Variants in DCHS2 observed in about 807,000 individuals in gnomAD.
DCHS2 encodes the protein dachsous cadherin-related 2.
In DCHS2, 142 loss-of-function variants were observed where a neutral mutation model predicts 182.4. The ratio of observed to expected loss-of-function variants is 0.78; its 90% CI spans 0.68 to 0.89. DCHS2 has a LOEUF of 0.89. DCHS2 is among the 40% of genes least tolerant of loss of function. The pLI, the probability that DCHS2 is intolerant of heterozygous loss-of-function variation, is 0.00. For missense variants in DCHS2, 4,319 were observed against 4,198.6 expected (o/e 1.03, Z -0.79); for synonymous variants, 1,740 against 1,663.3 (o/e 1.05, Z -1.12).
At chr4:154,420,061 G>T (rs1053880385) in intron 1 of DCHS2, among the ~76,000 whole-genome samples, 1 of 152,100 alleles carries the variant, frequency 6.6e-6, no homozygotes, top group African/African-American at 2.4e-5. Context: ...GAGATTGTTA[G>T]TTTAACACAG....
rs747558129 is a variant in DCHS2 at position 154,235,538 on chromosome 4, C to T, written c.9114G>A (p.Ala3038=). The change falls in exon 20 of 20, where the codon GCG becomes GCA. Residue 3038 remains alanine (A), a synonymous_variant. Coordinates refer to ENST00000357232, the MANE Select transcript of DCHS2 (RefSeq NM_001358235.2). ...YEEKKTSSLD[A]DLRVTRDASV... ...TGGCATCCCGGGTCACTCTCAAGTC[C>T]GCATCTAAAGATGAGGTTTTCTTCT... The T allele has an allele frequency of 3.6e-5, 58 of 1,613,922 alleles. No homozygotes were observed. The highest frequency in any genetic ancestry group is 1.8e-4 in the East Asian group (8 of 44,886).
intron 13 of DCHS2, among the ~76,000 whole-genome samples, chr4:154,270,411 A>C (rs1319286238): frequency 6.6e-6 from 1 of 151,992 alleles, no homozygotes; most frequent in Non-Finnish European, 1.5e-5. Flanking sequence ...GAAGCCATAG[A>C]AACAGCTGGA....
chr4:154,291,557 C>T (rs1476026394), intron 13 of DCHS2, among the ~76,000 whole-genome samples: 1 of 152,082 alleles, frequency 6.6e-6, no homozygotes, highest in African/African-American at 2.4e-5. Context: ...TGTCCATCAA[C>T]AGCTGAACGG....
intron 3 of DCHS2, among the ~76,000 whole-genome samples, chr4:154,349,693 C>G (rs1032761796): frequency 1.3e-5 from 2 of 152,194 alleles, no homozygotes; most frequent in African/African-American, 4.8e-5. Context: ...TAAGGGAAAT[C>G]ACAGCCTTTA....
Position 154,235,718 on chromosome 4 carries a change from C to T in DCHS2, c.8934G>A (p.Val2978=). The T allele has an allele frequency of 3.1e-6, 5 of 1,613,898 alleles. No homozygotes were observed. Among genetic ancestry groups the T allele is most frequent in the South Asian group, 2.2e-5 (2 of 91,074 alleles). Residue 2978 remains valine (V), a synonymous_variant, in exon 20 of 20, where the codon GTG becomes GTA. Coordinates refer to ENST00000357232, the MANE Select transcript of DCHS2 (RefSeq NM_001358235.2). The stretch of plus-strand genomic sequence containing the variant: ...AGGGTGTTCCTTCAGAGGAGAAAGA[C>T]ACATTCACAAAAACAGTGCAAGATG... ...KFASCTVFVN[V]SFSSEGTPLA... is the part of the protein sequence containing the mutation.
chr4:154,352,009 T>C (rs1037071350), intron 3 of DCHS2, among the ~76,000 whole-genome samples: 1 of 151,986 alleles, frequency 6.6e-6, no homozygotes, highest in African/African-American at 2.4e-5. Context: ...TGCATTCAAC[T>C]CACCTGAGTA....
chr4:154,435,108 A>G (rs897524636), intron 1 of DCHS2, among the ~76,000 whole-genome samples: 2 of 152,186 alleles, frequency 1.3e-5, no homozygotes, highest in African/African-American at 4.8e-5. Context: ...ATGGAAATAT[A>G]CGAGGTTAAC....
At chr4:154,372,187 C>T (rs1436877762) in intron 2 of DCHS2, among the ~76,000 whole-genome samples, 6 of 152,006 alleles carry the variant, frequency 3.9e-5, no homozygotes, top group Admixed American at 6.6e-5. Flanking sequence ...TTAGAAAACA[C>T]GGGACAATGG....
Position 154,490,345 on chromosome 4 carries a change from G to C in DCHS2, c.1011C>G (p.Ala337=). ...PNGFVRYSVR[A]RQVPGAGSGG... Reference sequence around the variant, plus strand: ...CGCTACCCGCCCCAGGCACTTGCCGGGCGCGGACGCTGTAGCGCACGAAGC... The same window carrying C: ...CGCTACCCGCCCCAGGCACTTGCCGCGCGCGGACGCTGTAGCGCACGAAGC... Residue 337 remains alanine, a synonymous_variant, in exon 1 of 20, where the codon GCC becomes GCG. Transcript: ENST00000357232. 6.5e-7 allele frequency: 1 copy of C among 1,540,764 alleles called. No individual in the cohort carries two copies. The highest frequency in any genetic ancestry group is 2.5e-5 in the East Asian group (1 of 40,804).
At chr4:154,266,482 C>G (rs1305925122) in intron 14 of DCHS2, among the ~76,000 whole-genome samples, 1 of 151,828 alleles carries the variant, frequency 6.6e-6, no homozygotes, top group African/African-American at 2.4e-5. Flanking sequence ...CAGTGAAACC[C>G]CGTCTCTAAA....
At position 154,491,793 on chromosome 4, in the gene DCHS2, G is replaced by A; in HGVS notation, c.-438C>T. On this transcript the variant is annotated 5_prime_UTR_variant, in exon 1 of 20. Coordinates refer to ENST00000357232, the MANE Select transcript of DCHS2 (RefSeq NM_001358235.2). Reference sequence around the variant, plus strand: ...GATGGGGATCTGGCCGGAGTAGGGGGTGGAGTAAGGGCGTGGAGGCAGGGA... The same window carrying A: ...GATGGGGATCTGGCCGGAGTAGGGGATGGAGTAAGGGCGTGGAGGCAGGGA... 1 of 989,738 alleles carries A rather than the reference G, an allele frequency of 1.0e-6. No homozygotes were observed. The highest frequency in any genetic ancestry group is 4.7e-5 in the South Asian group (1 of 21,372). 61.3% of individuals were successfully genotyped at this position (989,738 alleles called of 1,614,324 possible). A position where few individuals can be genotyped will look rare whatever the true frequency, so the allele number is the denominator to read the frequency against.
Position 154,366,433 on chromosome 4 carries a change from T to C in DCHS2, c.2253A>G (p.Leu751=). Residue 751 remains leucine (L), a synonymous_variant, in exon 3 of 20, where the codon CTA becomes CTG. Transcript: ENST00000357232. ...LLVEAKDGGG[L]SAQAFVRVDL... is the part of the protein sequence containing the mutation. ...CCACACGAACAAAGGCTTGGGCACT[T>C]AGCCCACCCTGGTGGATGAATGAGT... The C allele has an allele frequency of 6.2e-7, 1 of 1,611,754 alleles. No individual in the cohort carries two copies. The highest frequency in any genetic ancestry group is 8.5e-7 in the Non-Finnish European group (1 of 1,178,486).
At chr4:154,448,744 GTC>G (rs1317246607) in intron 1 of DCHS2, among the ~76,000 whole-genome samples, 1 of 152,194 alleles carries the variant, frequency 6.6e-6, no homozygotes, top group Non-Finnish European at 1.5e-5. Context: ...CACAGAAGCT[GTC>G]TCTGTTTCCT....
At chr4:154,428,347 T>G (rs1733418300) in intron 1 of DCHS2, among the ~76,000 whole-genome samples, 1 of 151,890 alleles carries the variant, frequency 6.6e-6, no homozygotes, top group African/African-American at 2.4e-5. Flanking sequence ...CAAGACCAGC[T>G]TGGGTAACAC....
At chr4:154,414,039 C>T (rs1246901005) in intron 1 of DCHS2, among the ~76,000 whole-genome samples, 3 of 151,996 alleles carry the variant, frequency 2.0e-5, no homozygotes, top group Non-Finnish European at 2.9e-5. Context: ...CTCTTCTCCT[C>T]CCTACAAAAA....
Position 154,482,295 on chromosome 4 carries a change from A to G in DCHS2, c.2052+7009T>C, listed in dbSNP as rs906439464. Among the ~76,000 whole-genome samples the G allele has an allele frequency of 2.6e-5, 4 of 152,262 alleles. No individual in the cohort carries two copies. The South Asian group carries it at 8.3e-4, about 32-fold the overall frequency. Reference sequence around the variant, plus strand: ...TTACAGTGTATAACATTAAGAAATGAGCAAAAATAAATTCCATATGTCATT... The same window carrying G: ...TTACAGTGTATAACATTAAGAAATGGGCAAAAATAAATTCCATATGTCATT... On this transcript the variant is annotated intron_variant, in intron 1 of 19. Coordinates refer to ENST00000357232, the MANE Select transcript of DCHS2 (RefSeq NM_001358235.2).
At chr4:154,345,287 G>A (rs13112673) in intron 3 of DCHS2, among the ~76,000 whole-genome samples, 47,685 of 152,098 alleles carry the variant, frequency 0.31, 9,117 homozygotes, top group Non-Finnish European at 0.43. Context: ...TTTCCTTTTC[G>A]CCTTTTCTGT....
chr4:154,250,377 T>C (rs1467458869), intron 16 of DCHS2, among the ~76,000 whole-genome samples: 1 of 152,132 alleles, frequency 6.6e-6, no homozygotes, highest in Admixed American at 6.5e-5. Context: ...TTTTACATAT[T>C]CTCCCTAGGT....
At chr4:154,248,505 G>A (rs972115617) in intron 16 of DCHS2, among the ~76,000 whole-genome samples, 1 of 151,970 alleles carries the variant, frequency 6.6e-6, no homozygotes, top group Admixed American at 6.6e-5. Flanking sequence ...TACACTATTT[G>A]ATTTTTTTAA....
Sources: allele counts gnomAD v4.1 joint callset (sites outside exome capture counted in the v4.1 genomes callset), GRCh38; gene constraint gnomAD v4.1.1; transcripts MANE v1.5; gene names NCBI Gene and HGNC (gene_info 2026-07-23, HGNC 2026-07-21).